Variants in L3MBTL4 observed in about 807,000 individuals in gnomAD.
L3MBTL4 encodes L3MBTL histone methyl-lysine binding protein 4.
In L3MBTL4, 70 loss-of-function variants were observed where a neutral mutation model predicts 84.5. That is an observed-to-expected ratio of 0.83 (90% CI 0.68 to 1.01). The LOEUF is 1.01. Ranked by LOEUF, L3MBTL4 falls within the 50% of genes least tolerant of loss-of-function variation. The pLI is 0.00. For synonymous variants in L3MBTL4, 274 were observed against 259.8 expected, an observed-to-expected ratio of 1.05 and a Z score of -0.52; for missense variants, 715 against 754.8, an observed-to-expected ratio of 0.95 and a Z score of 0.62.
chr18:6,239,265 C>T (rs1020434724), intron 9 of L3MBTL4, among the ~76,000 whole-genome samples: 1 of 146,844 alleles, frequency 6.8e-6, no homozygotes, highest in African/African-American at 2.5e-5. Flanking sequence ...GGCGTGAACC[C>T]GGGAGGCGAA....
intron 1 of L3MBTL4, among the ~76,000 whole-genome samples, chr18:6,376,223 G>C (rs142589625): frequency 6.6e-6 from 1 of 152,090 alleles, no homozygotes; most frequent in Non-Finnish European, 1.5e-5. Context: ...CCTGGAGCAC[G>C]GCACCCAAAT....
intron 16 of L3MBTL4, among the ~76,000 whole-genome samples, chr18:6,058,617 G>A (rs1435856780): frequency 6.6e-6 from 1 of 152,044 alleles, no homozygotes; most frequent in African/African-American, 2.4e-5. Context: ...TCTTTGCTCT[G>A]GCCTGGGGAC....
chr18:6,282,337 T>G (rs1053599963), intron 4 of L3MBTL4, among the ~76,000 whole-genome samples: 2 of 152,138 alleles, frequency 1.3e-5, no homozygotes, highest in Admixed American at 1.3e-4. Context: ...GAGCACAGAA[T>G]AGGAGCCCAA....
intron 4 of L3MBTL4, among the ~76,000 whole-genome samples, chr18:6,301,172 A>G (rs141092357): frequency 1.8e-3 from 277 of 152,288 alleles, no homozygotes; most frequent in Middle Eastern, 0.014. Flanking sequence ...ATTATTTAAA[A>G]ATAAACACAA....
At chr18:6,211,705 G>A (rs1460496998) in intron 12 of L3MBTL4, among the ~76,000 whole-genome samples, 4 of 151,194 alleles carry the variant, frequency 2.6e-5, no homozygotes, top group African/African-American at 7.3e-5. Context: ...CTGGAGTGCA[G>A]TGGCATGATC....
chr18:5,976,173 C>T (rs2052920937), intron 16 of L3MBTL4, among the ~76,000 whole-genome samples: 2 of 152,180 alleles, frequency 1.3e-5, no homozygotes, highest in Admixed American at 1.3e-4. Flanking sequence ...CTGAGATGTG[C>T]TATAGTACCT....
intron 12 of L3MBTL4, among the ~76,000 whole-genome samples, chr18:6,198,188 A>T (rs1473339768): frequency 1.3e-5 from 2 of 152,212 alleles, no homozygotes. Context: ...CACAACTTGA[A>T]CACAGAATAA....
intron 16 of L3MBTL4, among the ~76,000 whole-genome samples, chr18:6,001,291 G>A (rs1423592014): frequency 6.6e-6 from 1 of 152,156 alleles, no homozygotes; most frequent in Non-Finnish European, 1.5e-5. Flanking sequence ...CCCCTTCTGG[G>A]GAGCCAAACA....
intron 1 of L3MBTL4, among the ~76,000 whole-genome samples, chr18:6,329,930 G>A (rs1266927056): frequency 6.6e-6 from 1 of 152,196 alleles, no homozygotes; most frequent in African/African-American, 2.4e-5. Context: ...ATAGTTTTCT[G>A]TGTCTCATTT....
intron 16 of L3MBTL4, among the ~76,000 whole-genome samples, chr18:6,007,294 G>A (rs1233138694): frequency 6.6e-6 from 1 of 150,912 alleles, no homozygotes; most frequent in African/African-American, 2.4e-5. Context: ...CAGAAAGATT[G>A]CCCAATCAAA....
chr18:6,235,928 G>T (rs2047199090), intron 10 of L3MBTL4, among the ~76,000 whole-genome samples: 1 of 152,222 alleles, frequency 6.6e-6, no homozygotes, highest in South Asian at 2.1e-4. Flanking sequence ...AATTATAATT[G>T]AAAGAAAATT....
At chr18:6,224,195 A>C (rs2046680104) in intron 10 of L3MBTL4, among the ~76,000 whole-genome samples, 1 of 152,270 alleles carries the variant, frequency 6.6e-6, no homozygotes, top group Non-Finnish European at 1.5e-5. Flanking sequence ...GAGAAATGTC[A>C]ACAAAAATCC....
chr18:6,150,332 A>G (rs190295801), intron 13 of L3MBTL4, among the ~76,000 whole-genome samples: 11 of 152,168 alleles, frequency 7.2e-5, no homozygotes, highest in African/African-American at 2.6e-4. Context: ...TCCCTTCTCA[A>G]ACTAGCCTAA....
chr18:6,063,573 G>A (rs1050919097), intron 16 of L3MBTL4, among the ~76,000 whole-genome samples: 48 of 151,228 alleles, frequency 3.2e-4, no homozygotes, highest in Non-Finnish European at 4.4e-5. Context: ...GCAGGAGTAA[G>A]GTGGTATCTC....
intron 15 of L3MBTL4, among the ~76,000 whole-genome samples, chr18:6,084,730 C>A (rs927558746): frequency 1.3e-5 from 2 of 152,180 alleles, no homozygotes; most frequent in African/African-American, 4.8e-5. Context: ...GAAAGGGCTA[C>A]ATCAGAGAGA....
chr18:6,046,747 C>G (rs977190711), intron 16 of L3MBTL4: 1 of 775,302 alleles, frequency 1.3e-6, no homozygotes, highest in Non-Finnish European at 2.4e-6. Context: ...TGGGATGCAG[C>G]ACAAGCACTG....
At position 6,041,152 on chromosome 18, in the gene L3MBTL4, C is replaced by T. The variant is rs369902288; in HGVS notation, c.1444+39729G>A. The stretch of plus-strand genomic sequence containing the variant: ...AGCTGGCCCCAAATCTCAGCAAGGA[C>T]ACTAAGGTCTGGAGATGGGGGCGGA... On this transcript the variant is annotated intron_variant, in intron 16 of 18. Transcript: ENST00000317931. 2.0e-5 allele frequency among the ~76,000 whole-genome samples: 3 copies of T among 152,346 alleles called. No homozygotes were observed. The East Asian group carries it at 5.8e-4, about 29-fold the overall frequency.
chr18:6,300,462 A>AGG (rs1381896687), intron 4 of L3MBTL4, among the ~76,000 whole-genome samples: 2 of 152,232 alleles, frequency 1.3e-5, no homozygotes, highest in Admixed American at 6.5e-5. Flanking sequence ...CACAGCAAAA[A>AGG]GTTACTTTCT....
intron 1 of L3MBTL4, among the ~76,000 whole-genome samples, chr18:6,358,228 C>A (rs1308335049): frequency 6.6e-6 from 1 of 152,148 alleles, no homozygotes; most frequent in East Asian, 1.9e-4. Flanking sequence ...ACTAAGAGTG[C>A]CGATTAAATA....
Sources: gnomAD v4.1 joint callset for allele counts (sites outside exome capture counted in the v4.1 genomes callset) on GRCh38, gnomAD v4.1.1 for gene constraint, MANE v1.5 for transcripts, NCBI Gene and HGNC (gene_info 2026-07-23, HGNC 2026-07-21) for gene names.